SCEL: variants seen among roughly 807,000 people sequenced by gnomAD.
SCEL encodes the protein sciellin.
In SCEL, 113 loss-of-function variants were observed where a neutral mutation model predicts 117.6. The ratio of observed to expected loss-of-function variants is 0.96; its 90% CI spans 0.83 to 1.12. SCEL has a LOEUF of 1.12. Ranked by LOEUF, SCEL falls within the 50% of genes most tolerant of loss-of-function variation. SCEL has a pLI of 0.00. For synonymous variants in SCEL, 270 were observed against 256.2 expected (o/e 1.05, Z -0.51); for missense variants, 785 against 810.8 (o/e 0.97, Z 0.39).
At chr13:77,546,276 T>A (rs2083985232) in intron 1 of SCEL, among the ~76,000 whole-genome samples, 1 of 152,208 alleles carries the variant, frequency 6.6e-6, no homozygotes, top group South Asian at 2.1e-4. Context: ...CTGGTATGGG[T>A]CATATCACAT....
chr13:77,592,222 A>G (rs2086913995), intron 11 of SCEL, among the ~76,000 whole-genome samples: 1 of 152,166 alleles, frequency 6.6e-6, no homozygotes, highest in African/African-American at 2.4e-5. Context: ...AAGACACATC[A>G]CATGTATTCT....
chr13:77,605,678 A>G (rs962739085), intron 19 of SCEL, among the ~76,000 whole-genome samples: 18 of 152,330 alleles, frequency 1.2e-4, no homozygotes, highest in Non-Finnish European at 2.4e-4. Flanking sequence ...ACTTGCCAAG[A>G]AAAATCCATG....
intron 9 of SCEL, among the ~76,000 whole-genome samples, chr13:77,575,867 T>G (rs565120310): frequency 1.3e-4 from 20 of 152,328 alleles, no homozygotes; most frequent in African/African-American, 4.3e-4. Context: ...CTTTGAAGTC[T>G]TCTTGTCAGA....
chr13:77,587,700 T>C (rs2086643060), intron 9 of SCEL, among the ~76,000 whole-genome samples: 1 of 152,304 alleles, frequency 6.6e-6, no homozygotes, highest in Non-Finnish European at 1.5e-5. Flanking sequence ...TCGCTTGGCT[T>C]CTGGGATGCC....
At chr13:77,607,985 T>C in intron 19 of SCEL, 71 bp from the exon 20 acceptor site, 2 of 1,214,896 alleles carry the variant, frequency 1.6e-6, no homozygotes, top group Non-Finnish European at 2.4e-6. Context: ...ATGAAATAGC[T>C]TTATCTTCTT....
At chr13:77,556,814 G>T (rs963193072) in intron 3 of SCEL, 101 bp downstream of exon 3, 1 of 825,930 alleles carries the variant, frequency 1.2e-6, no homozygotes, top group African/African-American at 1.7e-5. Flanking sequence ...CTTTTCTCCT[G>T]AAACACTTTG....
At chr13:77,579,009 G>A (rs1016269197) in intron 9 of SCEL, among the ~76,000 whole-genome samples, 3 of 152,174 alleles carry the variant, frequency 2.0e-5, no homozygotes, top group East Asian at 1.9e-4. Context: ...ATGTATGTCT[G>A]TACATTAGGT....
In SCEL at chr13:77,634,299, C is replaced by T. The variant is rs2090169060; in HGVS notation, c.1692-80C>T. 2.7e-6 allele frequency: 3 copies of T among 1,095,342 alleles called. No individual in the cohort carries two copies. The Admixed American group carries it at 5.4e-5, about 20-fold the overall frequency. The allele number at this position is 1,095,342 out of a possible 1,614,324, so 67.9% of individuals were successfully genotyped here. ...AGGAACATATATTCATTACATTTTGCATTGAATTAGAAAATAGCCTTGTTT... is the reference window on the plus strand; with the variant it reads ...AGGAACATATATTCATTACATTTTGTATTGAATTAGAAAATAGCCTTGTTT... On this transcript the variant is annotated intron_variant, in intron 28 of 32. Coordinates refer to ENST00000349847, the MANE Select transcript of SCEL (RefSeq NM_144777.3).
Position 77,609,084 on chromosome 13 carries a change from A to G in SCEL, c.1244A>G (p.Lys415Arg), listed in dbSNP as rs145109234. The G allele has an allele frequency of 3.1e-6, 5 of 1,596,608 alleles. No individual in the cohort carries two copies. In the African/African-American group the frequency reaches 6.8e-5, roughly 22 times the overall value. Reference protein sequence around the residue: ...QGSKDLNNFIKVYPGTEKSTE... With the variant: ...QGSKDLNNFIRVYPGTEKSTE... ...TCCAAAGACCTTAATAACTTCATCA[A>G]AGTGTATCCAGGAACAGAAAAAAGT... The change falls in exon 21 of 33, where the codon AAA becomes AGA. Residue 415 changes from lysine (K) to arginine (R), a missense_variant. Lys to Arg is a conservative substitution (Grantham distance 26). Coordinates refer to ENST00000349847, the MANE Select transcript of SCEL (RefSeq NM_144777.3).
intron 1 of SCEL, among the ~76,000 whole-genome samples, chr13:77,554,229 T>A (rs964871965): frequency 6.6e-6 from 1 of 152,182 alleles, no homozygotes; most frequent in Non-Finnish European, 1.5e-5. Flanking sequence ...GATTCTATCT[T>A]GAGGCAAGGG....
intron 4 of SCEL, among the ~76,000 whole-genome samples, chr13:77,560,886 A>G (rs1006390756): frequency 6.6e-6 from 1 of 151,978 alleles, no homozygotes. Context: ...AAAGTTAAGC[A>G]GACACTTGGG....
At position 77,572,106 on chromosome 13, in the gene SCEL, C is replaced by T. The variant is rs371215878; in HGVS notation, c.480-18C>T. The T allele has an allele frequency of 1.3e-5, 21 of 1,604,692 alleles. No individual in the cohort carries two copies. The highest frequency in any genetic ancestry group is 6.7e-5 in the African/African-American group (5 of 74,650). On this transcript the variant is annotated intron_variant, in intron 8 of 32. Coordinates refer to ENST00000349847, the MANE Select transcript of SCEL (RefSeq NM_144777.3). ...GCCTTTCAATCACAATGTTTATTAC[C>T]GTGTCATTTCTTAACAGGCAGTCCT...
chr13:77,545,463 G>A (rs2083936743), intron 1 of SCEL, among the ~76,000 whole-genome samples: 1 of 152,020 alleles, frequency 6.6e-6, no homozygotes, highest in South Asian at 2.1e-4. Context: ...CCACAAAAGG[G>A]CATTTTTAAC....
At chr13:77,592,886 G>C (rs1199383048) in intron 11 of SCEL, among the ~76,000 whole-genome samples, 1 of 151,970 alleles carries the variant, frequency 6.6e-6, no homozygotes, top group Non-Finnish European at 1.5e-5. Context: ...ATTACTATAA[G>C]AATTTTCCTA....
chr13:77,538,850 G>C (rs1840636330), intron 1 of SCEL, among the ~76,000 whole-genome samples: 1 of 152,172 alleles, frequency 6.6e-6, no homozygotes, highest in African/African-American at 2.4e-5. Flanking sequence ...GGGAAAGACA[G>C]TGAACTATAA....
intron 1 of SCEL, among the ~76,000 whole-genome samples, chr13:77,548,646 G>T (rs1005977112): frequency 1.3e-5 from 2 of 152,194 alleles, no homozygotes; most frequent in Admixed American, 1.3e-4. Context: ...GAGGGACCTG[G>T]TGGGAGGTAA....
intron 1 of SCEL, among the ~76,000 whole-genome samples, chr13:77,542,180 A>G (rs1272052614): frequency 2.0e-5 from 3 of 152,224 alleles, no homozygotes; most frequent in Admixed American, 6.5e-5. Context: ...AGGCAGGCGG[A>G]TCACGAGGTC....
chr13:77,544,603 G>A (rs2083894403), intron 1 of SCEL, among the ~76,000 whole-genome samples: 1 of 152,214 alleles, frequency 6.6e-6, no homozygotes, highest in Non-Finnish European at 1.5e-5. Flanking sequence ...ATTGGGACAA[G>A]AGGAGCTGGG....
At chr13:77,547,321 T>TA (rs2084046799) in intron 1 of SCEL, among the ~76,000 whole-genome samples, 1 of 152,214 alleles carries the variant, frequency 6.6e-6, no homozygotes, top group Admixed American at 6.5e-5. Flanking sequence ...AAATCTATAG[T>TA]GATGATTACT....
Sources: gnomAD v4.1 joint callset for allele counts (sites outside exome capture counted in the v4.1 genomes callset) on GRCh38, gnomAD v4.1.1 for gene constraint, MANE v1.5 for transcripts, NCBI Gene and HGNC (gene_info 2026-07-23, HGNC 2026-07-21) for gene names.